The following CLMP variants were observed in gnomAD, a reference collection of about 807,000 sequenced individuals.
CLMP encodes CXADR like cell adhesion molecule.
A neutral mutation model predicts 45.2 loss-of-function variants in CLMP; 27 were observed. The observed-to-expected ratio is 0.60, with a 90% CI of 0.44 to 0.82. The LOEUF (loss-of-function observed/expected upper bound fraction) is 0.82, where lower values mean the gene tolerates loss of function less well. Ranked by LOEUF, CLMP falls within the 40% of genes least tolerant of loss-of-function variation. CLMP has a pLI of 0.00. For synonymous variants in CLMP, 167 were observed against 171.4 expected (o/e 0.97, Z 0.20); for missense variants, 403 against 448.4 (o/e 0.90, Z 0.91).
chr11:123,108,536 C>T (rs1182004952), intron 1 of CLMP, among the ~76,000 whole-genome samples: 1 of 152,004 alleles, frequency 6.6e-6, no homozygotes, highest in African/African-American at 2.4e-5. Flanking sequence ...GAGCTTCTAC[C>T]TCCTTCCCAG....
chr11:123,181,053 G>C (rs1252982793), intron 1 of CLMP, among the ~76,000 whole-genome samples: 1 of 152,188 alleles, frequency 6.6e-6, no homozygotes, highest in East Asian at 1.9e-4. Context: ...GCTGCCTGCA[G>C]GGGAAAGAAC....
At chr11:123,156,875 T>G (rs10400282) in intron 1 of CLMP, among the ~76,000 whole-genome samples, 28,081 of 152,194 alleles carry the variant, frequency 0.18, 2,789 homozygotes, top group South Asian at 0.25. Context: ...TTGGACACTT[T>G]CTTTCCAGGA....
intron 1 of CLMP, among the ~76,000 whole-genome samples, chr11:123,134,783 G>A (rs977970401): frequency 4.0e-5 from 6 of 150,828 alleles, no homozygotes; most frequent in East Asian, 2.0e-4. Context: ...ACTCCAGCCC[G>A]GGCAACAGAG....
chr11:123,141,738 G>A (rs891351313), intron 1 of CLMP, among the ~76,000 whole-genome samples: 2 of 152,010 alleles, frequency 1.3e-5, no homozygotes, highest in Non-Finnish European at 2.9e-5. Flanking sequence ...TTTACTTAAC[G>A]ATATAAACTT....
Position 123,072,468 on chromosome 11 carries a change from T to C in CLMP, c.*1006A>G, listed in dbSNP as rs1411590820. ...CCTTGACATATTAAGAGAAAACTGA[T>C]CTAATCTCCCTTTCTAGTCCACCCA... On this transcript the variant is annotated 3_prime_UTR_variant, in exon 7 of 7. Coordinates refer to ENST00000448775, the MANE Select transcript of CLMP (RefSeq NM_024769.5). 6.6e-6 allele frequency: 1 copy of C among 152,174 alleles called. No homozygotes were observed. The highest frequency in any genetic ancestry group is 1.9e-4 in the East Asian group (1 of 5,184). 9.4% of individuals were successfully genotyped at this position (152,174 alleles called of 1,614,324 possible).
At chr11:123,074,285 C>G (rs1042964902) in intron 6 of CLMP, among the ~76,000 whole-genome samples, 5 of 151,690 alleles carry the variant, frequency 3.3e-5, no homozygotes, top group African/African-American at 1.2e-4. Flanking sequence ...AGTCATCCTC[C>G]TGTCTCAGCC....
At chr11:123,112,770 AT>A (rs34587716) in intron 1 of CLMP, among the ~76,000 whole-genome samples, 10,250 of 113,754 alleles carry the variant, frequency 0.09, 205 homozygotes, top group East Asian at 0.24. Context: ...GTTAGTACCC[AT>A]TTTTTTTTTT....
intron 1 of CLMP, among the ~76,000 whole-genome samples, chr11:123,129,772 G>C (rs1430596085): frequency 6.7e-6 from 1 of 149,288 alleles, no homozygotes; most frequent in African/African-American, 2.5e-5. Context: ...TATACATCAG[G>C]CAGCTAAATG....
intron 1 of CLMP, chr11:123,136,442 C>G (rs1230304941): frequency 7.3e-6 from 3 of 409,108 alleles, no homozygotes; most frequent in Non-Finnish European, 8.9e-6. Context: ...TCCTTGTCCC[C>G]CCCCACCCCA....
intron 1 of CLMP, among the ~76,000 whole-genome samples, chr11:123,180,798 C>T (rs1456255819): frequency 1.3e-5 from 2 of 152,188 alleles, no homozygotes; most frequent in South Asian, 2.1e-4. Flanking sequence ...AAAGAGCATT[C>T]CTGGGCAAGG....
chr11:123,173,102 A>T (rs1861657517), intron 1 of CLMP, among the ~76,000 whole-genome samples: 1 of 152,148 alleles, frequency 6.6e-6, no homozygotes, highest in Admixed American at 6.5e-5. Flanking sequence ...CTTTTCCTAG[A>T]CTTCTCTAGA....
chr11:123,113,506 T>C (rs1356372274), intron 1 of CLMP, among the ~76,000 whole-genome samples: 1 of 152,204 alleles, frequency 6.6e-6, no homozygotes, highest in Non-Finnish European at 1.5e-5. Flanking sequence ...GTTAGAATTT[T>C]AGCAGCTATA....
chr11:123,154,377 C>T (rs1291514837), intron 1 of CLMP, among the ~76,000 whole-genome samples: 3 of 152,152 alleles, frequency 2.0e-5, no homozygotes, highest in Admixed American at 6.5e-5. Context: ...GGGGAGACAG[C>T]CCAGCATGGA....
Position 123,118,902 on chromosome 11 carries a change from T to C in CLMP, c.29-20950A>G, listed in dbSNP as rs190001777. ...AGTTTGTCTTGCCAGGGGATTGTCT[T>C]CCAGGTGATCTTTGCATTTTCTTTT... On this transcript the variant is annotated intron_variant, in intron 1 of 6. Coordinates refer to ENST00000448775, the MANE Select transcript of CLMP (RefSeq NM_024769.5). Among the ~76,000 whole-genome samples the C allele has an allele frequency of 3.3e-5, 5 of 150,822 alleles. No individual in the cohort carries two copies. In the East Asian group the frequency reaches 9.8e-4, roughly 29 times the overall value.
Position 123,106,190 on chromosome 11 carries a change from T to C in CLMP, c.29-8238A>G, listed in dbSNP as rs569042953. ...AGCTGTTGTTAGTGTATTTTATGTG[T>C]GGCCCAAGATAATTCTTCTTCTTCC... On this transcript the variant is annotated intron_variant, in intron 1 of 6. Transcript: ENST00000448775. 2.0e-4 allele frequency among the ~76,000 whole-genome samples: 31 copies of C among 152,266 alleles called. No individual in the cohort carries two copies. The South Asian group carries it at 5.8e-3, about 28-fold the overall frequency.
chr11:123,113,147 C>T (rs1326596048), intron 1 of CLMP, among the ~76,000 whole-genome samples: 1 of 152,204 alleles, frequency 6.6e-6, no homozygotes, highest in Non-Finnish European at 1.5e-5. Context: ...CTTAAACACC[C>T]CTTATGCTTC....
chr11:123,188,282 AT>A (rs1861859050), intron 1 of CLMP, among the ~76,000 whole-genome samples: 1 of 152,126 alleles, frequency 6.6e-6, no homozygotes, highest in Non-Finnish European at 1.5e-5. Flanking sequence ...CCTAAAGAAG[AT>A]CTTAAAAGGG....
At chr11:123,135,290 C>G (rs1861056028) in intron 1 of CLMP, among the ~76,000 whole-genome samples, 2 of 128,136 alleles carry the variant, frequency 1.6e-5, no homozygotes, top group Non-Finnish European at 3.3e-5. Flanking sequence ...AGAAAATTGT[C>G]AAATATCTTT....
intron 1 of CLMP, among the ~76,000 whole-genome samples, chr11:123,123,565 T>C (rs1453362823): frequency 6.6e-6 from 1 of 152,110 alleles, no homozygotes; most frequent in Admixed American, 6.6e-5. Flanking sequence ...GGCCAAGGTT[T>C]TTGTACATGA....
Sources: allele counts gnomAD v4.1 joint callset (sites outside exome capture counted in the v4.1 genomes callset), GRCh38; gene constraint gnomAD v4.1.1; transcripts MANE v1.5; gene names NCBI Gene and HGNC (gene_info 2026-07-23, HGNC 2026-07-21).